Variants in CENPN observed in about 807,000 individuals in gnomAD.
The protein encoded by CENPN is interphase centromere complex protein 32.
In CENPN, 36 loss-of-function variants were observed where a neutral mutation model predicts 48.6. The ratio of observed to expected loss-of-function variants is 0.74; its 90% CI spans 0.57 to 0.98. CENPN has a LOEUF of 0.98. Among genes scored for constraint, CENPN ranks in the 50% least tolerant of loss-of-function variants. The probability of loss-of-function intolerance (pLI) is 0.00; values close to 1 mark genes in which losing one functional copy is unlikely to be tolerated. For missense variants in CENPN, 439 were observed against 399.2 expected, an observed-to-expected ratio of 1.10 and a Z score of -0.85; for synonymous variants, 166 against 135.2, an observed-to-expected ratio of 1.23 and a Z score of -1.58.
At chr16:81,014,625 C>T (rs1567548418) in intron 3 of CENPN, among the ~76,000 whole-genome samples, 1 of 152,138 alleles carries the variant, frequency 6.6e-6, no homozygotes, top group Non-Finnish European at 1.5e-5. Flanking sequence ...CAAGTTGCAT[C>T]ACCTTTCTGA....
chr16:81,026,677 C>G, intron 9 of CENPN, 39 bp downstream of exon 9: 2 of 1,025,426 alleles, frequency 2.0e-6, no homozygotes, highest in South Asian at 3.2e-5. Flanking sequence ...AAGATATCAA[C>G]ATTGTTTAAA....
chr16:81,018,545 A>AAT (rs1970029392), intron 5 of CENPN, among the ~76,000 whole-genome samples: 1 of 152,172 alleles, frequency 6.6e-6, no homozygotes. Context: ...TAGTTCCAGT[A>AAT]ATAGTCAGTG....
In CENPN at chr16:81,029,243, A is replaced by G. The variant is rs1436469274; in HGVS notation, c.*592A>G. 14 of 920,628 alleles carry G rather than the reference A, an allele frequency of 1.5e-5. No homozygotes were observed. Among genetic ancestry groups the G allele is most frequent in the African/African-American group, 5.4e-5 (3 of 55,914 alleles). 57.0% of individuals were successfully genotyped at this position (920,628 alleles called of 1,614,324 possible). A position where few individuals can be genotyped will look rare whatever the true frequency, so the allele number is the denominator to read the frequency against. ...GTAAATATGATACTTCTCATAATCT[A>G]TTTTATCATGTGTATAACATTCAAA... On this transcript the variant is annotated 3_prime_UTR_variant, in exon 11 of 11. Transcript: ENST00000305850.
At position 81,030,686 on chromosome 16, in the gene CENPN, T is replaced by G. The variant is rs1567558923; in HGVS notation, c.*2035T>G. 6.6e-6 allele frequency: 1 copy of G among 151,858 alleles called. No individual in the cohort carries two copies. The highest frequency in any genetic ancestry group is 1.9e-4 in the East Asian group (1 of 5,164). 9.4% of individuals were successfully genotyped at this position (151,858 alleles called of 1,614,324 possible). ...ACTGGTTGAACCGGGGAGGCAGAGG[T>G]TGCAGTGAGCCAAGATCATGCCACT... is the stretch of plus-strand genomic sequence containing the variant. On this transcript the variant is annotated 3_prime_UTR_variant, in exon 11 of 11. Coordinates refer to ENST00000305850, the MANE Select transcript of CENPN (RefSeq NM_001100624.3).
chr16:81,007,576 C>G (rs1025999743), intron 1 of CENPN: 1 of 152,356 alleles, frequency 6.6e-6, no homozygotes, highest in Admixed American at 6.5e-5. Flanking sequence ...CTCCGCTCTA[C>G]GATCCTGGGG....
intron 9 of CENPN, among the ~76,000 whole-genome samples, chr16:81,027,334 T>A (rs1226230938): frequency 6.6e-6 from 1 of 151,858 alleles, no homozygotes; most frequent in Non-Finnish European, 1.5e-5. Context: ...CTACAAAAAT[T>A]CAAAAATACA....
downstream of CENPN, chr16:81,031,624 C>T (rs1257247424): frequency 1.3e-5 from 2 of 152,218 alleles, no homozygotes; most frequent in Non-Finnish European, 2.9e-5. Flanking sequence ...CCTTGTGTTC[C>T]ACACCTCTCC....
At chr16:81,032,842 G>T (rs1970827493), downstream of CENPN, 1 of 833,624 alleles carries the variant, frequency 1.2e-6, no homozygotes, top group Admixed American at 2.8e-5. Context: ...TGGAAGCTTG[G>T]ATGTGCACTG....
At chr16:81,021,841 A>AC (rs1348145779) in intron 6 of CENPN, among the ~76,000 whole-genome samples, 4 of 150,546 alleles carry the variant, frequency 2.7e-5, no homozygotes, top group African/African-American at 9.8e-5. Flanking sequence ...TGCACCCTCC[A>AC]CCCCCAAGGT....
At chr16:81,010,467 A>G (rs115837436) in intron 1 of CENPN, among the ~76,000 whole-genome samples, 18 of 152,244 alleles carry the variant, frequency 1.2e-4, no homozygotes, top group African/African-American at 4.3e-4. Flanking sequence ...TCAGGACCTT[A>G]TAGACAATTA....
chr16:81,027,645 C>G (rs1005331990), intron 9 of CENPN, among the ~76,000 whole-genome samples: 12 of 152,230 alleles, frequency 7.9e-5, no homozygotes, highest in Admixed American at 7.9e-4. Flanking sequence ...ATGTAGCAGG[C>G]ACTGTGCATG....
At chr16:81,032,019 G>C (rs1202424048), downstream of CENPN, among the ~76,000 whole-genome samples, 1 of 152,162 alleles carries the variant, frequency 6.6e-6, no homozygotes, top group Non-Finnish European at 1.5e-5. Context: ...TGGTACTTTG[G>C]CATGCTGGAT....
intron 1 of CENPN, among the ~76,000 whole-genome samples, chr16:81,007,812 A>G (rs1410177500): frequency 6.6e-6 from 1 of 152,200 alleles, no homozygotes; most frequent in Admixed American, 6.5e-5. Flanking sequence ...GTATAAAGAA[A>G]GTTTTAAAAT....
intron 7 of CENPN, 72 bp from the exon 8 acceptor site, chr16:81,024,643 T>C: frequency 4.0e-6 from 4 of 998,496 alleles, no homozygotes; most frequent in East Asian, 2.6e-5. Flanking sequence ...TACTTTAATA[T>C]ACTAAAAAAA....
intron 5 of CENPN, among the ~76,000 whole-genome samples, chr16:81,019,490 T>C (rs1363493660): frequency 6.6e-6 from 1 of 152,008 alleles, no homozygotes; most frequent in African/African-American, 2.4e-5. Context: ...AGTGCTAGGA[T>C]TACAGGCATA....
Position 81,025,653 on chromosome 16 carries a change from C to A in CENPN, c.698-873C>A, listed in dbSNP as rs1040834049. On this transcript the variant is annotated intron_variant, in intron 8 of 10. Transcript: ENST00000305850. ...AGGGAAGATCACGAGCCCAAGAGAT[C>A]CAGTCCAGACTGGGCAACATAGTGA... Among the ~76,000 whole-genome samples the A allele has an allele frequency of 2.0e-5, 3 of 149,354 alleles. No individual in the cohort carries two copies. The South Asian group carries it at 6.3e-4, about 31-fold the overall frequency.
Position 81,030,399 on chromosome 16 carries a change from G to C in CENPN, c.*1748G>C, listed in dbSNP as rs1183109251. 2 of 984,944 alleles carry C rather than the reference G, an allele frequency of 2.0e-6. No homozygotes were observed. The highest frequency in any genetic ancestry group is 2.4e-6 in the Non-Finnish European group (2 of 829,762). 61.0% of individuals were successfully genotyped at this position (984,944 alleles called of 1,614,324 possible). On this transcript the variant is annotated 3_prime_UTR_variant, in exon 11 of 11. Transcript: ENST00000305850. ...CTCACACTTCTGATACCAGATATGT[G>C]GGGGAGGGGGTTTCCCCCACACATT...
In CENPN at chr16:81,030,194, C is replaced by T; in HGVS notation, c.*1543C>T. ...TCAAGGTGACACTTGTGTGGAGACA[C>T]AGCCAAACCATATCACAGGCATGAG... On this transcript the variant is annotated 3_prime_UTR_variant, in exon 11 of 11. Coordinates refer to ENST00000305850, the MANE Select transcript of CENPN (RefSeq NM_001100624.3). The T allele has an allele frequency of 1.0e-6, 1 of 985,442 alleles. No homozygotes were observed. Among genetic ancestry groups the T allele is most frequent in the Non-Finnish European group, 1.2e-6 (1 of 829,912 alleles). The allele number at this position is 985,442 out of a possible 1,614,324, so 61.0% of individuals were successfully genotyped here.
chr16:81,012,230 A>T, intron 2 of CENPN, 120 bp downstream of exon 2: 2 of 758,444 alleles, frequency 2.6e-6, no homozygotes, highest in Non-Finnish European at 2.0e-6. Flanking sequence ...TGAAGTGATG[A>T]GGGCTATATA....
Sources: allele counts gnomAD v4.1 joint callset (sites outside exome capture counted in the v4.1 genomes callset), GRCh38; gene constraint gnomAD v4.1.1; transcripts MANE v1.5; gene names NCBI Gene and HGNC (gene_info 2026-07-23, HGNC 2026-07-21).